RNF11: variants seen among roughly 807,000 people sequenced by gnomAD.
RNF11 encodes the protein ring finger protein 11.
A neutral mutation model predicts 15.8 loss-of-function variants in RNF11; 4 were observed. That is an observed-to-expected ratio of 0.25 (90% CI 0.12 to 0.58). The LOEUF (loss-of-function observed/expected upper bound fraction) is 0.58, where lower values mean the gene tolerates loss of function less well. Ranked by LOEUF, RNF11 falls within the 20% of genes least tolerant of loss-of-function variation. The probability of loss-of-function intolerance (pLI) is 0.91; values close to 1 mark genes in which losing one functional copy is unlikely to be tolerated. For synonymous variants in RNF11, 68 were observed against 72.3 expected, an observed-to-expected ratio of 0.94 and a Z score of 0.30; for missense variants, 139 against 194.4, an observed-to-expected ratio of 0.71 and a Z score of 1.70.
At chr1:51,261,207 T>C (rs1461773636) in intron 1 of RNF11, among the ~76,000 whole-genome samples, 1 of 152,208 alleles carries the variant, frequency 6.6e-6, no homozygotes, top group African/African-American at 2.4e-5. Flanking sequence ...AGTACTAAAA[T>C]TGAGATCCAC....
At chr1:51,260,738 T>C (rs1371762913) in intron 1 of RNF11, among the ~76,000 whole-genome samples, 1 of 152,162 alleles carries the variant, frequency 6.6e-6, no homozygotes, top group Non-Finnish European at 1.5e-5. Context: ...GCCCTTAAAC[T>C]ACCTCTTCCT....
intron 1 of RNF11, among the ~76,000 whole-genome samples, chr1:51,237,396 A>G (rs1646809109): frequency 6.7e-6 from 1 of 149,866 alleles, no homozygotes; most frequent in Admixed American, 6.7e-5. Flanking sequence ...TTTTAACCCT[A>G]GCGACATCGA....
At chr1:51,256,203 A>G (rs992176767) in intron 1 of RNF11, among the ~76,000 whole-genome samples, 2 of 152,006 alleles carry the variant, frequency 1.3e-5, no homozygotes, top group Admixed American at 6.6e-5. Flanking sequence ...TGCTCTAAAA[A>G]TTTTCCGTGT....
intron 1 of RNF11, among the ~76,000 whole-genome samples, chr1:51,256,819 A>T (rs1205597284): frequency 6.6e-6 from 1 of 152,078 alleles, no homozygotes; most frequent in African/African-American, 2.4e-5. Flanking sequence ...GATTACAGGC[A>T]CGTGCCACCA....
At chr1:51,249,572 A>T (rs1646867719) in intron 1 of RNF11, among the ~76,000 whole-genome samples, 1 of 152,222 alleles carries the variant, frequency 6.6e-6, no homozygotes, top group Non-Finnish European at 1.5e-5. Context: ...TTGTGTGGTC[A>T]TGAATTTCAA....
At chr1:51,244,140 T>C (rs562192013) in intron 1 of RNF11, among the ~76,000 whole-genome samples, 1 of 152,364 alleles carries the variant, frequency 6.6e-6, no homozygotes, top group Admixed American at 6.5e-5. Context: ...TCTGCTCTTT[T>C]AGAATTCAAG....
intron 1 of RNF11, 131 bp from the exon 2 acceptor site, chr1:51,269,825 C>T: frequency 1.4e-6 from 1 of 700,400 alleles, no homozygotes; most frequent in South Asian, 1.7e-5. Context: ...GAAACACAGT[C>T]ATACAGCCAA....
rs1447159311 is a variant in RNF11 at position 51,236,502 on chromosome 1, C to T, written c.-255C>T. On this transcript the variant is annotated 5_prime_UTR_variant, in exon 1 of 3. Coordinates refer to ENST00000242719, the MANE Select transcript of RNF11 (RefSeq NM_014372.5). ...GGGGAAGTGCTTCGTCTCCCCGCCC[C>T]CCCCCCCCCATCGCTGCCTCGCAGG... The T allele has an allele frequency of 1.5e-5, 2 of 131,234 alleles. No individual in the cohort carries two copies. Among genetic ancestry groups the T allele is most frequent in the South Asian group, 2.9e-4 (1 of 3,498 alleles). The allele number at this position is 131,234 out of a possible 1,614,324, so 8.1% of individuals were successfully genotyped here.
intron 1 of RNF11, among the ~76,000 whole-genome samples, chr1:51,260,039 G>A (rs1260156937): frequency 1.3e-5 from 2 of 152,200 alleles, no homozygotes; most frequent in Non-Finnish European, 2.9e-5. Flanking sequence ...GGTGGTGTTA[G>A]GTCCTATGAA....
chr1:51,261,266 C>T (rs1215837681), intron 1 of RNF11, among the ~76,000 whole-genome samples: 1 of 152,006 alleles, frequency 6.6e-6, no homozygotes, highest in Non-Finnish European at 1.5e-5. Context: ...GATTGATTTC[C>T]TTAGTAATCT....
At position 51,272,383 on chromosome 1, in the gene RNF11, GTC is replaced by G. The variant is rs1646983294; in HGVS notation, c.*1065_*1066del. 6.6e-6 allele frequency: 1 copy of G among 152,578 alleles called. No individual in the cohort carries two copies. The allele number at this position is 152,578 out of a possible 1,614,324, so 9.5% of individuals were successfully genotyped here. On this transcript the variant is annotated 3_prime_UTR_variant, in exon 3 of 3. Coordinates refer to ENST00000242719, the MANE Select transcript of RNF11 (RefSeq NM_014372.5). ...TTGAAGTTATACAAAACACATCTCA[GTC>G]TCTGTTTCTTGGAAAGGTATCTATT...
At chr1:51,240,929 G>A (rs1244652770) in intron 1 of RNF11, among the ~76,000 whole-genome samples, 1 of 152,068 alleles carries the variant, frequency 6.6e-6, no homozygotes, top group Non-Finnish European at 1.5e-5. Context: ...CGATTCTCCT[G>A]CCTCAGCCTC....
At chr1:51,237,438 ATGTG>A (rs1553168205) in intron 1 of RNF11, among the ~76,000 whole-genome samples, 4 of 119,084 alleles carry the variant, frequency 3.4e-5, no homozygotes, top group Admixed American at 8.8e-5. Flanking sequence ...ATATATATAT[ATGTG>A]TATATATATA....
chr1:51,255,767 A>G (rs78426931), intron 1 of RNF11, among the ~76,000 whole-genome samples: 3,201 of 152,312 alleles, frequency 0.021, 93 homozygotes, highest in African/African-American at 0.065. Flanking sequence ...TATTCTTGCC[A>G]AAGATCAGTT....
chr1:51,264,301 T>A (rs1319988663), intron 1 of RNF11, among the ~76,000 whole-genome samples: 36 of 99,610 alleles, frequency 3.6e-4, no homozygotes, highest in African/African-American at 1.6e-3. Context: ...TATATATATA[T>A]ATATATATAT....
chr1:51,239,804 C>T (rs1455329316), intron 1 of RNF11, among the ~76,000 whole-genome samples: 7 of 152,164 alleles, frequency 4.6e-5, no homozygotes, highest in Admixed American at 4.6e-4. Context: ...GGAACATGTT[C>T]TCTTGAGGTG....
chr1:51,262,306 C>T (rs981626191), intron 1 of RNF11, among the ~76,000 whole-genome samples: 5 of 152,178 alleles, frequency 3.3e-5, no homozygotes, highest in African/African-American at 1.2e-4. Context: ...CCCTTTCTTA[C>T]TATATGCAAA....
Position 51,236,648 on chromosome 1 carries a change from C to G in RNF11, c.-109C>G. 1 of 1,484,950 alleles carries G rather than the reference C, an allele frequency of 6.7e-7. No homozygotes were observed. The highest frequency in any genetic ancestry group is 9.2e-7 in the Non-Finnish European group (1 of 1,083,336). 92.0% of individuals were successfully genotyped at this position (1,484,950 alleles called of 1,614,324 possible). A position where few individuals can be genotyped will look rare whatever the true frequency, so the allele number is the denominator to read the frequency against. On this transcript the variant is annotated 5_prime_UTR_variant, in exon 1 of 3. Coordinates refer to ENST00000242719, the MANE Select transcript of RNF11 (RefSeq NM_014372.5). ...CGGTGGAGTCGCCTCCGCCTGATCC[C>G]CGGCCTGTCGCCCGACCCCACCTCG...
At chr1:51,250,287 T>G (rs1312033344) in intron 1 of RNF11, among the ~76,000 whole-genome samples, 1 of 152,242 alleles carries the variant, frequency 6.6e-6, no homozygotes, top group Non-Finnish European at 1.5e-5. Flanking sequence ...AGTTATGATT[T>G]GCTATTGTGA....
Sources: allele counts gnomAD v4.1 joint callset (sites outside exome capture counted in the v4.1 genomes callset), GRCh38; gene constraint gnomAD v4.1.1; transcripts MANE v1.5; gene names NCBI Gene and HGNC (gene_info 2026-07-23, HGNC 2026-07-21).